The following HECTD2 variants were observed in gnomAD, a reference collection of about 807,000 sequenced individuals.
HECTD2 encodes probable E3 ubiquitin-protein ligase HECTD2.
A neutral mutation model predicts 103.2 loss-of-function variants in HECTD2; 35 were observed. That is an observed-to-expected ratio of 0.34 (90% CI 0.26 to 0.45). The LOEUF (loss-of-function observed/expected upper bound fraction) is 0.45, where lower values mean the gene tolerates loss of function less well. Ranked by LOEUF, HECTD2 falls within the 20% of genes least tolerant of loss-of-function variation. The probability of loss-of-function intolerance (pLI) is 1.00; values close to 1 mark genes in which losing one functional copy is unlikely to be tolerated. For synonymous variants in HECTD2, 281 were observed against 329.9 expected (o/e 0.85, Z 1.61); for missense variants, 596 against 937.4 (o/e 0.64, Z 4.76).
At chr10:91,437,183 A>C (rs1395286881) in intron 2 of HECTD2, among the ~76,000 whole-genome samples, 1 of 152,042 alleles carries the variant, frequency 6.6e-6, no homozygotes, top group Non-Finnish European at 1.5e-5. Context: ...ATTTGTGTGG[A>C]GATCAGTGGG....
At chr10:91,415,996 C>CT (rs978321195) in intron 1 of HECTD2, among the ~76,000 whole-genome samples, 9 of 149,720 alleles carry the variant, frequency 6.0e-5, no homozygotes, top group Non-Finnish European at 7.4e-5. Context: ...TCTTTGTCAA[C>CT]TTTTTTTTTA....
chr10:91,489,898 T>C (rs1052841360), intron 11 of HECTD2: 2 of 152,226 alleles, frequency 1.3e-5, no homozygotes, highest in African/African-American at 4.8e-5. Flanking sequence ...ATGTCTGAAA[T>C]GTTTATCTTT....
At chr10:91,476,535 A>C (rs371714025) in intron 5 of HECTD2, among the ~76,000 whole-genome samples, 1 of 152,174 alleles carries the variant, frequency 6.6e-6, no homozygotes, top group East Asian at 1.9e-4. Flanking sequence ...GGGCAGACAG[A>C]GCAAGAGGGA....
At chr10:91,440,281 A>C (rs1844350499) in intron 2 of HECTD2, among the ~76,000 whole-genome samples, 1 of 152,148 alleles carries the variant, frequency 6.6e-6, no homozygotes, top group Admixed American at 6.5e-5. Context: ...AGTTTTTAGC[A>C]TGAATGGGGT....
At chr10:91,449,657 A>C (rs1295224237) in intron 2 of HECTD2, among the ~76,000 whole-genome samples, 1 of 152,222 alleles carries the variant, frequency 6.6e-6, no homozygotes, top group Admixed American at 6.5e-5. Context: ...TCTCAGCCAG[A>C]AATCTCCTTA....
intron 2 of HECTD2, among the ~76,000 whole-genome samples, chr10:91,451,878 T>TC (rs1371164995): frequency 6.6e-6 from 1 of 152,124 alleles, no homozygotes; most frequent in East Asian, 1.9e-4. Context: ...TATATCCTGA[T>TC]TACATTACAG....
intron 5 of HECTD2, among the ~76,000 whole-genome samples, chr10:91,477,553 A>G (rs1251517907): frequency 6.6e-6 from 1 of 152,192 alleles, no homozygotes; most frequent in Non-Finnish European, 1.5e-5. Context: ...TATATTAAAT[A>G]TATATACGTA....
At chr10:91,429,362 G>A (rs1009444930) in intron 2 of HECTD2, among the ~76,000 whole-genome samples, 8 of 152,188 alleles carry the variant, frequency 5.3e-5, no homozygotes, top group East Asian at 3.9e-4. Flanking sequence ...GTCTCTGCCC[G>A]GCTTTGGTAT....
intron 2 of HECTD2, among the ~76,000 whole-genome samples, chr10:91,455,783 C>G (rs1187659393): frequency 2.6e-5 from 4 of 152,164 alleles, no homozygotes; most frequent in Non-Finnish European, 2.9e-5. Flanking sequence ...TTTTAGCTTT[C>G]TACATATGGC....
intron 2 of HECTD2, among the ~76,000 whole-genome samples, chr10:91,450,814 T>C (rs1844784641): frequency 6.6e-6 from 1 of 152,038 alleles, no homozygotes; most frequent in Admixed American, 6.5e-5. Context: ...CAAACCACAA[T>C]GAGATACCAT....
At chr10:91,506,967 A>C (rs1173738498) in intron 20 of HECTD2, among the ~76,000 whole-genome samples, 1 of 151,536 alleles carries the variant, frequency 6.6e-6, no homozygotes, top group African/African-American at 2.4e-5. Flanking sequence ...AGGCTGGTTC[A>C]ATATACGCAA....
intron 9 of HECTD2, 143 bp from the exon 10 acceptor site, chr10:91,485,037 C>A: frequency 3.7e-6 from 2 of 544,254 alleles, no homozygotes; most frequent in Non-Finnish European, 3.1e-6. Context: ...TTTAAATTAC[C>A]CCTTTCATTT....
At chr10:91,480,822 C>T (rs1157316660) in intron 6 of HECTD2, among the ~76,000 whole-genome samples, 26 of 151,948 alleles carry the variant, frequency 1.7e-4, no homozygotes, top group Admixed American at 1.6e-3. Flanking sequence ...TTATTACACA[C>T]CTAACTACTT....
At chr10:91,474,143 C>T (rs1845825754) in intron 5 of HECTD2, among the ~76,000 whole-genome samples, 1 of 151,972 alleles carries the variant, frequency 6.6e-6, no homozygotes, top group Non-Finnish European at 1.5e-5. Flanking sequence ...AATAAGAAAT[C>T]AAAAGTAACC....
At chr10:91,413,236 C>T (rs545160850) in intron 1 of HECTD2, among the ~76,000 whole-genome samples, 3 of 152,028 alleles carry the variant, frequency 2.0e-5, no homozygotes, top group Non-Finnish European at 4.4e-5. Context: ...AGGCTGTATC[C>T]TTTATGTTTA....
chr10:91,433,231 A>C (rs1843968788), intron 2 of HECTD2, among the ~76,000 whole-genome samples: 1 of 151,910 alleles, frequency 6.6e-6, no homozygotes. Context: ...TTTTATATTA[A>C]AGATAACTTT....
At chr10:91,439,873 G>T (rs1036202702) in intron 2 of HECTD2, among the ~76,000 whole-genome samples, 1 of 151,990 alleles carries the variant, frequency 6.6e-6, no homozygotes, top group Admixed American at 6.6e-5. Context: ...TGATGATTTG[G>T]CTCTCTGTTT....
At chr10:91,429,360 C>T (rs1306752281) in intron 2 of HECTD2, among the ~76,000 whole-genome samples, 1 of 152,032 alleles carries the variant, frequency 6.6e-6, no homozygotes, top group East Asian at 1.9e-4. Flanking sequence ...GTGTCTCTGC[C>T]CGGCTTTGGT....
chr10:91,494,147 G>A (rs566026690), intron 14 of HECTD2, among the ~76,000 whole-genome samples: 4 of 151,774 alleles, frequency 2.6e-5, no homozygotes, highest in African/African-American at 9.7e-5. Context: ...AATTGTTTGT[G>A]GAAGAAAGGA....
Sources: allele counts gnomAD v4.1 joint callset (sites outside exome capture counted in the v4.1 genomes callset), GRCh38; gene constraint gnomAD v4.1.1; transcripts MANE v1.5; gene names NCBI Gene and HGNC (gene_info 2026-07-23, HGNC 2026-07-21).